The following DCAF4 variants were observed in gnomAD, a reference collection of about 807,000 sequenced individuals.
The protein encoded by DCAF4 is DDB1 and CUL4 associated factor 4.
In DCAF4, 37 loss-of-function variants were observed where a neutral mutation model predicts 60.9. That is an observed-to-expected ratio of 0.61 (90% CI 0.47 to 0.80). DCAF4 has a LOEUF of 0.80. Ranked by LOEUF, DCAF4 falls within the 30% of genes least tolerant of loss-of-function variation. The probability of loss-of-function intolerance (pLI) is 0.00; values close to 1 mark genes in which losing one functional copy is unlikely to be tolerated. For missense variants in DCAF4, 577 were observed against 650.0 expected, an observed-to-expected ratio of 0.89 and a Z score of 1.22; for synonymous variants, 243 against 254.8, an observed-to-expected ratio of 0.95 and a Z score of 0.44.
At chr14:72,927,805 G>A (rs1170378397) in intron 1 of DCAF4, among the ~76,000 whole-genome samples, 2 of 152,122 alleles carry the variant, frequency 1.3e-5, no homozygotes, top group Non-Finnish European at 2.9e-5. Flanking sequence ...ACTCAGGGTG[G>A]GCGTTAGTAC....
chr14:72,956,706 A>G, intron 13 of DCAF4: 1 of 509,434 alleles, frequency 2.0e-6, no homozygotes, highest in Admixed American at 2.9e-5. Context: ...CACCAGGTGG[A>G]CAGCCTCATC....
In DCAF4 at chr14:72,955,655, C is replaced by G; in HGVS notation, c.1138C>G (p.Gln380Glu). 6.2e-7 allele frequency: 1 copy of G among 1,614,070 alleles called. No individual in the cohort carries two copies. Among genetic ancestry groups the G allele is most frequent in the South Asian group, 1.1e-5 (1 of 91,074 alleles). The change falls in exon 12 of 14, where the codon CAA becomes GAA. Residue 380 changes from glutamine (Q) to glutamate (E), a missense_variant. By Grantham distance (29) the Gln-to-Glu change is conservative. Transcript: ENST00000358377. ...AGCAGTGACCTCTGTGCGGATCCTC[C>G]AAGATGAGCAATACCTGATGGCTTC... is the stretch of plus-strand genomic sequence containing the variant. ...DSAVTSVRILQDEQYLMASDM... is the reference protein window; with the variant it reads ...DSAVTSVRILEDEQYLMASDM...
At chr14:72,929,766 A>G in intron 1 of DCAF4, 1 of 1,044,058 alleles carries the variant, frequency 9.6e-7, no homozygotes, top group South Asian at 1.3e-5. Context: ...CATGGCGCGC[A>G]GCTCGTACGA....
At chr14:72,960,792 C>A, downstream of DCAF4, 2 of 514,094 alleles carry the variant, frequency 3.9e-6, no homozygotes, top group Non-Finnish European at 5.1e-6. Context: ...TGCATCTTTC[C>A]AGCTTTTCTT....
intron 1 of DCAF4, among the ~76,000 whole-genome samples, chr14:72,931,801 C>A (rs1888609814): frequency 6.6e-6 from 1 of 151,856 alleles, no homozygotes; most frequent in African/African-American, 2.4e-5. Flanking sequence ...TGAGGTTTTC[C>A]CCATCTATTA....
chr14:72,947,165 G>A lies in DCAF4; in HGVS notation c.702G>A (p.Ser234=), dbSNP rs548822790. 3.2e-5 allele frequency: 51 copies of A among 1,614,012 alleles called. 1 individual carries two copies. The highest frequency in any genetic ancestry group is 2.0e-4 in the South Asian group (18 of 91,078). Residue 234 remains serine (S), a synonymous_variant, in exon 8 of 14, where the codon TCG becomes TCA. Transcript: ENST00000358377. ...NRKVNSVCWA[S]LNHLDSHILL... ...AGGTGAATTCGGTGTGCTGGGCCTC[G>A]CTGAATCACTTGGATTCCCACATTC...
At position 72,942,979 on chromosome 14, in the gene DCAF4, C is replaced by T. The variant is rs1417709690; in HGVS notation, c.432-15C>T. The T allele has an allele frequency of 6.2e-7, 1 of 1,613,228 alleles. No homozygotes were observed. The highest frequency in any genetic ancestry group is 1.3e-5 in the African/African-American group (1 of 74,898). On this transcript the variant is annotated splice_polypyrimidine_tract_variant and intron_variant, in intron 5 of 13. Coordinates refer to ENST00000358377, the MANE Select transcript of DCAF4 (RefSeq NM_015604.4). ...TCAGCTTCAGCATCCATGCCCCCAC[C>T]CTCTGTTTCTGCAGTTTAGCCCACG...
downstream of DCAF4, chr14:72,961,738 A>G (rs184228755): frequency 3.0e-3 from 2,301 of 757,868 alleles, 6 homozygotes; most frequent in Middle Eastern, 3.6e-3. Flanking sequence ...GGCTGTGGGC[A>G]TGGGGAATGC....
At chr14:72,940,567 C>T in intron 4 of DCAF4, 190 bp downstream of exon 4, 2 of 533,292 alleles carry the variant, frequency 3.8e-6, no homozygotes, top group East Asian at 3.5e-5. Flanking sequence ...CTTCTTCCAT[C>T]CCCGTTTTCT....
intron 8 of DCAF4, among the ~76,000 whole-genome samples, chr14:72,950,691 A>G (rs1891297682): frequency 6.6e-6 from 1 of 152,208 alleles, no homozygotes; most frequent in Non-Finnish European, 1.5e-5. Context: ...AGAGACACCC[A>G]CATGTAGTCA....
chr14:72,939,616 T>C (rs894876640), intron 2 of DCAF4, among the ~76,000 whole-genome samples, 186 bp from the exon 3 acceptor site: 1 of 152,182 alleles, frequency 6.6e-6, no homozygotes, highest in African/African-American at 2.4e-5. Context: ...GAAAAAAGAA[T>C]GAAAAACCAA....
In DCAF4 at chr14:72,953,732, A is replaced by AAAAAATATATATATAT. The variant is rs1555527852; in HGVS notation, c.809-431_809-430insAAAATATATATATATA. On this transcript the variant is annotated intron_variant, in intron 9 of 13. Transcript: ENST00000358377. ...CTTAAAAAAAAAAAAAAAAAAAAAA[A>AAAAAATATATATATAT]ATATATATATATATATATATATATA... is the stretch of plus-strand genomic sequence containing the variant. Among the ~76,000 whole-genome samples, 4 of 21,778 alleles carry AAAAAATATATATATAT rather than the reference A, an allele frequency of 1.8e-4. 1 individual carries two copies. The highest frequency in any genetic ancestry group is 1.2e-3 in the East Asian group (1 of 862). The allele number at this position is 21,778 out of a possible 152,430, so 14.3% of individuals were successfully genotyped here. A position where few individuals can be genotyped will look rare whatever the true frequency, so the allele number is the denominator to read the frequency against.
chr14:72,943,139 C>G lies in DCAF4; in HGVS notation c.534+43C>G, dbSNP rs776278286. 7 of 1,573,590 alleles carry G rather than the reference C, an allele frequency of 4.4e-6. No individual in the cohort carries two copies. The Admixed American group carries it at 6.8e-5, about 15-fold the overall frequency. ...ACCTGCCTAGGGTGTGGCTGCCACC[C>G]TCTGGACACTTTGTGGCTTAGCGTT... On this transcript the variant is annotated intron_variant, in intron 6 of 13. Transcript: ENST00000358377.
intron 3 of DCAF4, 152 bp from the exon 4 acceptor site, chr14:72,940,068 C>A: frequency 8.2e-7 from 1 of 1,213,706 alleles, no homozygotes; most frequent in Middle Eastern, 2.2e-4. Context: ...CAGGACTGAG[C>A]ACAGTCCAGG....
At chr14:72,939,531 C>T (rs1165193114) in intron 2 of DCAF4, among the ~76,000 whole-genome samples, 1 of 152,148 alleles carries the variant, frequency 6.6e-6, no homozygotes, top group Non-Finnish European at 1.5e-5. Context: ...GAAAATTCCA[C>T]AAGACCTCAC....
At chr14:72,934,215 G>A (rs995333165) in intron 1 of DCAF4, among the ~76,000 whole-genome samples, 3 of 151,280 alleles carry the variant, frequency 2.0e-5, no homozygotes, top group Admixed American at 1.3e-4. Context: ...GTGCAATGGC[G>A]CTATCTCGGC....
intron 13 of DCAF4, 49 bp downstream of exon 13, chr14:72,956,549 CA>C: frequency 6.5e-7 from 1 of 1,538,594 alleles, no homozygotes; most frequent in Admixed American, 1.9e-5. Flanking sequence ...TACTGTCTCT[CA>C]GGGGCGATCC....
rs1476718207 is a variant in DCAF4, at chr14:72,940,938, G to A, written c.351+561G>A. Among the ~76,000 whole-genome samples, 4 of 148,558 alleles carry A rather than the reference G, an allele frequency of 2.7e-5. No homozygotes were observed. In the East Asian group the frequency reaches 8.0e-4, roughly 30 times the overall value. The stretch of plus-strand genomic sequence containing the variant: ...TGTCATTCCTGAAGGAATCTTGGGA[G>A]GCAGTGTGATATAATTTTAGTAACT... On this transcript the variant is annotated intron_variant, in intron 4 of 13. Transcript: ENST00000358377.
At chr14:72,942,206 T>C (rs2085592671) in intron 5 of DCAF4, 2 of 188,530 alleles carry the variant, frequency 1.1e-5, no homozygotes, top group African/African-American at 4.7e-5. Context: ...GATGTGTGTG[T>C]ACTAAACCTT....
Sources: gnomAD v4.1 joint callset for allele counts (sites outside exome capture counted in the v4.1 genomes callset) on GRCh38, gnomAD v4.1.1 for gene constraint, MANE v1.5 for transcripts, NCBI Gene and HGNC (gene_info 2026-07-23, HGNC 2026-07-21) for gene names.